Variants in CSNK2A1 observed in about 807,000 individuals in gnomAD.
CSNK2A1 encodes the protein casein kinase II subunit alpha.
A neutral mutation model predicts 62.9 loss-of-function variants in CSNK2A1; 10 were observed. That is an observed-to-expected ratio of 0.16 (90% confidence interval 0.10 to 0.27). CSNK2A1 has a LOEUF of 0.27. CSNK2A1 is among the 10% of genes least tolerant of loss of function. The pLI is 1.00. For synonymous variants in CSNK2A1, 124 were observed against 167.8 expected, an observed-to-expected ratio of 0.74 and a Z score of 2.02; for missense variants, 160 against 492.0, an observed-to-expected ratio of 0.33 and a Z score of 6.38.
intron 3 of CSNK2A1, chr20:508,200 A>G (rs2018645646): frequency 7.3e-6 from 3 of 412,098 alleles, no homozygotes; most frequent in Admixed American, 8.3e-5. Context: ...GACTGCATAT[A>G]CATCATAGAA....
Position 478,699 on chromosome 20 carries a change from C to T in CSNK2A1, c.*5262G>A, listed in dbSNP as rs780636994. On this transcript the variant is annotated 3_prime_UTR_variant, in exon 14 of 14. Transcript: ENST00000217244. The stretch of plus-strand genomic sequence containing the variant: ...ATCTCAGCACTTTGGGAGGCCAAGG[C>T]GGGTAGACTGTTGAGCTCAGGAGTT... The T allele has an allele frequency of 1.3e-5, 5 of 398,936 alleles. No individual in the cohort carries two copies. Among genetic ancestry groups the T allele is most frequent in the Admixed American group, 3.0e-5 (1 of 33,578 alleles). The allele number at this position is 398,936 out of a possible 1,614,324, so 24.7% of individuals were successfully genotyped here.
At position 499,069 on chromosome 20, in the gene CSNK2A1, G is replaced by A; in HGVS notation, c.366+186C>T. ...ATTAAAAAGAACATTAAACAAATGG[G>A]CAAAATATCAAGATGCAGAAAGTGG... On this transcript the variant is annotated intron_variant, in intron 6 of 13. Transcript: ENST00000217244. The surrounding 1 kb of genome is among the most constrained non-coding windows in gnomAD (Gnocchi z 4.2). 1 of 379,388 alleles carries A rather than the reference G, an allele frequency of 2.6e-6. No individual in the cohort carries two copies. The highest frequency in any genetic ancestry group is 4.7e-6 in the Non-Finnish European group (1 of 212,522). 23.5% of individuals were successfully genotyped at this position (379,388 alleles called of 1,614,324 possible).
rs2048349 is a variant in CSNK2A1 at position 535,283 on chromosome 20, T to C, written c.-226-7234A>G. On this transcript the variant is annotated intron_variant, in intron 1 of 13. Coordinates refer to ENST00000217244, the MANE Select transcript of CSNK2A1 (RefSeq NM_177559.3). ...TGAACTGGTCAGGAAGACAGACAAATAGAAGCAAATAATGAAAGCATTTTA... is the reference window on the plus strand; with the variant it reads ...TGAACTGGTCAGGAAGACAGACAAACAGAAGCAAATAATGAAAGCATTTTA... Among the ~76,000 whole-genome samples, 901 of 152,168 alleles carry C rather than the reference T, an allele frequency of 5.9e-3. 13 individuals carry two copies. The highest frequency in any genetic ancestry group is 0.02 in the African/African-American group (848 of 41,520).
chr20:541,748 T>C (rs1435702848), intron 1 of CSNK2A1, among the ~76,000 whole-genome samples: 1 of 152,216 alleles, frequency 6.6e-6, no homozygotes. Flanking sequence ...ACTAGGCTTT[T>C]TTTTATTTTT....
chr20:536,201 T>C (rs936938882), intron 1 of CSNK2A1, among the ~76,000 whole-genome samples: 1 of 151,844 alleles, frequency 6.6e-6, no homozygotes, highest in African/African-American at 2.4e-5. Context: ...CAGGCTACAT[T>C]AGAAACAAGG....
At position 483,794 on chromosome 20, in the gene CSNK2A1, G is replaced by A. The variant is rs1272391168; in HGVS notation, c.*167C>T. On this transcript the variant is annotated 3_prime_UTR_variant, in exon 14 of 14. Transcript: ENST00000217244. ...AAAAAAAAAAGAAAAAAGAAAATCA[G>A]CCTATTATAATTTTTTTTTTATGAC... The A allele has an allele frequency of 2.3e-6, 1 of 438,928 alleles. No individual in the cohort carries two copies. The highest frequency in any genetic ancestry group is 3.8e-6 in the Non-Finnish European group (1 of 260,274). 27.2% of individuals were successfully genotyped at this position (438,928 alleles called of 1,614,324 possible). A position where few individuals can be genotyped will look rare whatever the true frequency, so the allele number is the denominator to read the frequency against.
In CSNK2A1 at chr20:474,392, G is replaced by A. The variant is rs2122462396; in HGVS notation, c.*9569C>T. ...GCAGGTGTCAGATGAATCAGGAATT[G>A]AGACGAGATGGGAAGGCATCAAGAC... On this transcript the variant is annotated 3_prime_UTR_variant, in exon 14 of 14. Coordinates refer to ENST00000217244, the MANE Select transcript of CSNK2A1 (RefSeq NM_177559.3). 1 of 152,202 alleles carries A rather than the reference G, an allele frequency of 6.6e-6. No individual in the cohort carries two copies. The highest frequency in any genetic ancestry group is 6.5e-5 in the Admixed American group (1 of 15,282). The allele number at this position is 152,202 out of a possible 1,614,324, so 9.4% of individuals were successfully genotyped here.
At chr20:486,511 A>G in intron 12 of CSNK2A1, 49 bp from the exon 13 acceptor site, 1 of 1,602,290 alleles carries the variant, frequency 6.2e-7, no homozygotes, top group Non-Finnish European at 8.5e-7. Context: ...GAAAGATTAA[A>G]CTAATGGTCT....
chr20:527,799 A>G (rs866041175), intron 2 of CSNK2A1, 134 bp downstream of exon 2: 3 of 152,172 alleles, frequency 2.0e-5, no homozygotes, highest in Non-Finnish European at 2.9e-5. Flanking sequence ...TCAGCCTCCC[A>G]AAGTGCTAGG....
At chr20:505,576 A>C (rs1036521853) in intron 3 of CSNK2A1, among the ~76,000 whole-genome samples, 3 of 151,344 alleles carry the variant, frequency 2.0e-5, no homozygotes, top group Admixed American at 1.3e-4. Context: ...GTTAACCAGG[A>C]TGGTCTCGAT....
At chr20:528,544 T>C (rs1334831247) in intron 1 of CSNK2A1, among the ~76,000 whole-genome samples, 2 of 152,180 alleles carry the variant, frequency 1.3e-5, no homozygotes, top group Non-Finnish European at 2.9e-5. Flanking sequence ...GCTTCCTTAG[T>C]AGCTGGGACC....
At chr20:518,320 T>C (rs1439561559) in intron 2 of CSNK2A1, among the ~76,000 whole-genome samples, 1 of 152,166 alleles carries the variant, frequency 6.6e-6, no homozygotes, top group Non-Finnish European at 1.5e-5. Context: ...GCCCTCTTCA[T>C]AAGGTGGGAC....
chr20:485,330 C>T (rs1049238841), intron 13 of CSNK2A1, among the ~76,000 whole-genome samples: 3 of 151,036 alleles, frequency 2.0e-5, no homozygotes, highest in African/African-American at 7.3e-5. Flanking sequence ...TTAAAGGCGC[C>T]GCCGCCACGC....
At chr20:529,901 T>C (rs562755335) in intron 1 of CSNK2A1, among the ~76,000 whole-genome samples, 3 of 152,212 alleles carry the variant, frequency 2.0e-5, no homozygotes, top group Non-Finnish European at 2.9e-5. Flanking sequence ...ACTGGGGATC[T>C]TGGAATATAT....
intron 2 of CSNK2A1, among the ~76,000 whole-genome samples, chr20:509,393 T>C (rs2018669603): frequency 6.6e-6 from 1 of 152,190 alleles, no homozygotes; most frequent in Non-Finnish European, 1.5e-5. Context: ...AAGTAAGATG[T>C]TAGAAATATG....
chr20:534,577 C>T (rs1239337303), intron 1 of CSNK2A1, among the ~76,000 whole-genome samples: 2 of 151,960 alleles, frequency 1.3e-5, no homozygotes, highest in African/African-American at 4.8e-5. Flanking sequence ...GCAACAAAGC[C>T]TAAAGTTTTG....
At chr20:511,727 CA>C (rs1272090709) in intron 2 of CSNK2A1, among the ~76,000 whole-genome samples, 24 of 150,394 alleles carry the variant, frequency 1.6e-4, no homozygotes, top group African/African-American at 2.2e-4. Flanking sequence ...CACACACACA[CA>C]CACCACATTT....
intron 2 of CSNK2A1, among the ~76,000 whole-genome samples, chr20:517,319 T>G (rs2018848045): frequency 6.6e-6 from 1 of 152,244 alleles, no homozygotes; most frequent in African/African-American, 2.4e-5. Context: ...TTTCTTCCTT[T>G]CCAATCAAGA....
At chr20:488,488 A>C (rs2018149233) in intron 11 of CSNK2A1, 190 bp downstream of exon 11, 2 of 536,340 alleles carry the variant, frequency 3.7e-6, no homozygotes, top group African/African-American at 3.9e-5. Context: ...CTGTAAGTTA[A>C]TTTGAATAAA....
Sources: gnomAD v4.1 joint callset for allele counts (sites outside exome capture counted in the v4.1 genomes callset) on GRCh38, gnomAD v4.1.1 for gene constraint, Gnocchi (gnomAD v3.1) non-coding constraint, MANE v1.5 for transcripts, NCBI Gene and HGNC (gene_info 2026-07-23, HGNC 2026-07-21) for gene names.